The following ZNF444 variants were observed in gnomAD, a reference collection of about 807,000 sequenced individuals.
ZNF444 encodes endothelial zinc finger protein 2.
ZNF444 carries 8 observed loss-of-function variants against 14.4 expected under a neutral mutation model. The observed-to-expected ratio is 0.56, with a 90% CI of 0.33 to 1.00. ZNF444 has a LOEUF of 1.00. ZNF444 is among the 50% of genes least tolerant of loss of function. The probability of loss-of-function intolerance (pLI) is 0.03; values close to 1 mark genes in which losing one functional copy is unlikely to be tolerated. For synonymous variants in ZNF444, 258 were observed against 235.9 expected (o/e 1.09, Z -0.86); for missense variants, 510 against 504.8 (o/e 1.01, Z -0.10).
chr19:56,142,521 A>T (rs2123466056), intron 1 of ZNF444: 1 of 152,288 alleles, frequency 6.6e-6, no homozygotes, highest in East Asian at 1.9e-4. Flanking sequence ...TCATGAAAAG[A>T]GGCAGAGATG....
Position 56,147,882 on chromosome 19 carries a change from G to A in ZNF444, c.297+674G>A, listed in dbSNP as rs919472792. On this transcript the variant is annotated intron_variant, in intron 3 of 4. Transcript: ENST00000337080. This position sits in a 1 kb window ranked among gnomAD's most constrained non-coding sequence, Gnocchi z 5.9. ...CTTGACCACACAGCAGGCAAGGGCC[G>A]ACTCACGTTCTGGGTGAAGTCTTGG... Among the ~76,000 whole-genome samples the A allele has an allele frequency of 3.3e-5, 5 of 152,154 alleles. No homozygotes were observed. The highest frequency in any genetic ancestry group is 5.9e-5 in the Non-Finnish European group (4 of 68,014).
chr19:56,134,270 G>A (rs1311374967), intron 1 of ZNF444, among the ~76,000 whole-genome samples: 2 of 152,088 alleles, frequency 1.3e-5, no homozygotes, highest in Non-Finnish European at 2.9e-5. Context: ...AGCTACAAAG[G>A]AGCCGAGAAG....
Position 56,160,102 on chromosome 19 carries a change from C to G in ZNF444, c.885C>G (p.Arg295=), listed in dbSNP as rs2032196046. The G allele has an allele frequency of 6.7e-7, 1 of 1,496,984 alleles. No homozygotes were observed. Among genetic ancestry groups the G allele is most frequent in the African/African-American group, 1.5e-5 (1 of 68,656 alleles). The allele number at this position is 1,496,984 out of a possible 1,614,324, so 92.7% of individuals were successfully genotyped here. A position where few individuals can be genotyped will look rare whatever the true frequency, so the allele number is the denominator to read the frequency against. ...KGFGRREHVL[R]HQRIHGRAAA... is the part of the protein sequence containing the mutation. ...TCGGGCGCCGCGAGCACGTGCTGCGCCACCAGCGCATCCACGGCCGGGCAG... is the reference window on the plus strand; with the variant it reads ...TCGGGCGCCGCGAGCACGTGCTGCGGCACCAGCGCATCCACGGCCGGGCAG... The change falls in exon 5 of 5, where the codon CGC becomes CGG. Residue 295 remains arginine, a synonymous_variant. Transcript: ENST00000337080.
chr19:56,158,836 C>G (rs1329085417), intron 4 of ZNF444, among the ~76,000 whole-genome samples: 1 of 151,854 alleles, frequency 6.6e-6, no homozygotes. Flanking sequence ...CATCCACCCT[C>G]CACCTATCCA....
chr19:56,159,958 G>A lies in ZNF444; in HGVS notation c.741G>A (p.Glu247=), dbSNP rs1341951662. 7.3e-6 allele frequency: 11 copies of A among 1,505,800 alleles called. No homozygotes were observed. The highest frequency in any genetic ancestry group is 9.7e-6 in the Non-Finnish European group (11 of 1,132,844). The allele number at this position is 1,505,800 out of a possible 1,614,324, so 93.3% of individuals were successfully genotyped here. ...GPALRPLPAR[E]KPHACCECGK... is the part of the protein sequence containing the mutation. Reference sequence around the variant, plus strand: ...CGCTGCGCCCTCTGCCCGCCCGTGAGAAGCCCCACGCGTGCTGCGAGTGTG... The same window carrying A: ...CGCTGCGCCCTCTGCCCGCCCGTGAAAAGCCCCACGCGTGCTGCGAGTGTG... Residue 247 remains glutamate (E), a synonymous_variant, in exon 5 of 5, where the codon GAG becomes GAA. Coordinates refer to ENST00000337080, the MANE Select transcript of ZNF444 (RefSeq NM_018337.4).
In ZNF444 at chr19:56,160,452, T is replaced by C. The variant is rs1356361645; in HGVS notation, c.*251T>C. 1.8e-5 allele frequency: 8 copies of C among 457,082 alleles called. No homozygotes were observed. In the East Asian group the frequency reaches 2.7e-4, roughly 16 times the overall value. 28.3% of individuals were successfully genotyped at this position (457,082 alleles called of 1,614,324 possible). ...CCTGATTTCTCGGCCTCTCTCTCTGTGTGAAGGGGCCTCTCCCTAATGTCT... is the reference window on the plus strand; with the variant it reads ...CCTGATTTCTCGGCCTCTCTCTCTGCGTGAAGGGGCCTCTCCCTAATGTCT... On this transcript the variant is annotated 3_prime_UTR_variant, in exon 5 of 5. Transcript: ENST00000337080.
chr19:56,160,182 C>CGCCCTG lies in ZNF444; in HGVS notation c.971_976dup (p.Trp324_Pro325dup), dbSNP rs1235542217. On this transcript the variant is annotated inframe_insertion, in exon 5 of 5. Transcript: ENST00000337080. ...GGCCCGGATGGTGGAGGCCCCTTCC[C>CGCCCTG]GCCCTGGCCCTTGGGTTAGCCGCCT... 4.1e-6 allele frequency: 6 copies of CGCCCTG among 1,465,406 alleles called. No individual in the cohort carries two copies. The highest frequency in any genetic ancestry group is 5.4e-6 in the Non-Finnish European group (6 of 1,118,760). The allele number at this position is 1,465,406 out of a possible 1,614,324, so 90.8% of individuals were successfully genotyped here.
At chr19:56,153,056 T>A (rs1006300752) in intron 3 of ZNF444, among the ~76,000 whole-genome samples, 5 of 152,064 alleles carry the variant, frequency 3.3e-5, no homozygotes, top group East Asian at 1.9e-4. Context: ...ACATTTTTTT[T>A]AAAAGTGCCT....
At chr19:56,156,423 G>A (rs1568562218) in intron 3 of ZNF444, 1 of 152,258 alleles carries the variant, frequency 6.6e-6, no homozygotes, top group Non-Finnish European at 1.5e-5. Context: ...CGCAAGGCCT[G>A]TGTGTTCAGA....
At chr19:56,149,292 C>T (rs1298354074) in intron 3 of ZNF444, among the ~76,000 whole-genome samples, 2 of 121,374 alleles carry the variant, frequency 1.6e-5, no homozygotes, top group African/African-American at 3.2e-5. Context: ...CCCCATCACT[C>T]CTCCGACCTT....
chr19:56,160,104 A>C lies in ZNF444; in HGVS notation c.887A>C (p.His296Pro). ...GGGCGCCGCGAGCACGTGCTGCGCC[A>C]CCAGCGCATCCACGGCCGGGCAGCG... ...GFGRREHVLR[H>P]QRIHGRAAAS... Residue 296 changes from histidine (H) to proline (P), a missense_variant, in exon 5 of 5, where the codon CAC becomes CCC. His to Pro is a moderately conservative substitution (Grantham distance 77). Coordinates refer to ENST00000337080, the MANE Select transcript of ZNF444 (RefSeq NM_018337.4). 6.7e-7 allele frequency: 1 copy of C among 1,496,036 alleles called. No individual in the cohort carries two copies. Among genetic ancestry groups the C allele is most frequent in the African/African-American group, 1.5e-5 (1 of 68,698 alleles). 92.7% of individuals were successfully genotyped at this position (1,496,036 alleles called of 1,614,324 possible).
At chr19:56,139,276 C>A (rs920228496), upstream of ZNF444, among the ~76,000 whole-genome samples, 2 of 151,988 alleles carry the variant, frequency 1.3e-5, no homozygotes, top group African/African-American at 4.8e-5. Flanking sequence ...TCTAAAGAGG[C>A]CATGGGGACT....
At chr19:56,139,975 G>A (rs544029900), upstream of ZNF444, among the ~76,000 whole-genome samples, 214 of 152,290 alleles carry the variant, frequency 1.4e-3, 4 homozygotes, top group Admixed American at 0.014. Flanking sequence ...GCAGAAAGGA[G>A]GCATGACTGG....
rs2031038181 is a variant in ZNF444, at chr19:56,144,439, C to T, written c.-196-1808C>T. Among the ~76,000 whole-genome samples the T allele has an allele frequency of 6.6e-6, 1 of 152,102 alleles. No individual in the cohort carries two copies. Among genetic ancestry groups the T allele is most frequent in the Admixed American group, 6.6e-5 (1 of 15,266 alleles). ...CATAGTAAGCAATTTGGGTTTTGAGCATCACAGGAAGCAGTTGGAGGGCAC... is the reference window on the plus strand; with the variant it reads ...CATAGTAAGCAATTTGGGTTTTGAGTATCACAGGAAGCAGTTGGAGGGCAC... On this transcript the variant is annotated intron_variant, in intron 1 of 4. Transcript: ENST00000337080. The surrounding 1 kb of genome is among the most constrained non-coding windows in gnomAD (Gnocchi z 4.0).
At chr19:56,142,776 G>A (rs2030915945) in intron 1 of ZNF444, among the ~76,000 whole-genome samples, 1 of 152,190 alleles carries the variant, frequency 6.6e-6, no homozygotes, top group African/African-American at 2.4e-5. Flanking sequence ...GCTGATGAGT[G>A]GCAGAGCTGG....
chr19:56,146,111 G>C (rs1600012901), intron 1 of ZNF444, 136 bp from the exon 2 acceptor site: 1 of 152,432 alleles, frequency 6.6e-6, no homozygotes, highest in East Asian at 1.9e-4. Flanking sequence ...GGTGGCTTCT[G>C]AGTAGGCTGC....
chr19:56,152,996 G>A (rs1037651805), intron 3 of ZNF444, among the ~76,000 whole-genome samples: 1 of 152,132 alleles, frequency 6.6e-6, no homozygotes, highest in African/African-American at 2.4e-5. Context: ...TTGCCCTGGA[G>A]ATTCCTTCAT....
In ZNF444 at chr19:56,145,039, C is replaced by G. The variant is rs1310204663; in HGVS notation, c.-196-1208C>G. ...CAGCCACTCGGTAGCTCCAAGGCGG[C>G]CGTGGACAGCGCGTGAGCAAGTGGG... On this transcript the variant is annotated intron_variant, in intron 1 of 4. Transcript: ENST00000337080. This position sits in a 1 kb window ranked among gnomAD's most constrained non-coding sequence, Gnocchi z 4.3. Among the ~76,000 whole-genome samples, 1 of 152,236 alleles carries G rather than the reference C, an allele frequency of 6.6e-6. No homozygotes were observed. Among genetic ancestry groups the G allele is most frequent in the African/African-American group, 2.4e-5 (1 of 41,468 alleles).
At chr19:56,136,792 C>A (rs2030621666), upstream of ZNF444, among the ~76,000 whole-genome samples, 1 of 151,890 alleles carries the variant, frequency 6.6e-6, no homozygotes, top group Non-Finnish European at 1.5e-5. Flanking sequence ...TTCTTTTTTT[C>A]TTTTTTTAGA....
Sources: gnomAD v4.1 joint callset for allele counts (sites outside exome capture counted in the v4.1 genomes callset) on GRCh38, gnomAD v4.1.1 for gene constraint, Gnocchi (gnomAD v3.1) non-coding constraint, MANE v1.5 for transcripts, NCBI Gene and HGNC (gene_info 2026-07-23, HGNC 2026-07-21) for gene names.